Variants in GRIP1 observed in about 807,000 individuals in gnomAD.
GRIP1 encodes the protein glutamate receptor interacting protein 1.
In GRIP1, 45 loss-of-function variants were observed where a neutral mutation model predicts 129.9. The ratio of observed to expected loss-of-function variants is 0.35; its 90% CI spans 0.27 to 0.44. GRIP1 has a LOEUF of 0.44. GRIP1 is among the 20% of genes least tolerant of loss of function. The pLI, the probability that GRIP1 is intolerant of heterozygous loss-of-function variation, is 1.00. For synonymous variants in GRIP1, 530 were observed against 520.8 expected, an observed-to-expected ratio of 1.02 and a Z score of -0.24; for missense variants, 1,196 against 1,396.8, an observed-to-expected ratio of 0.86 and a Z score of 2.29.
At position 66,349,313 on chromosome 12, in the gene GRIP1, A is replaced by G. The variant is rs111694262; in HGVS notation, c.3160-67T>C. On this transcript the variant is annotated intron_variant, in intron 24 of 24. Coordinates refer to ENST00000359742, the MANE Select transcript of GRIP1 (RefSeq NM_001366722.1). ...CATAATTCCCAAAACCCGGAGTAAC[A>G]TTTCAGGTGCAACAAGTTGTTTGAA... 1.5e-5 allele frequency: 19 copies of G among 1,284,344 alleles called. No individual in the cohort carries two copies. The African/African-American group carries it at 1.9e-4, about 13-fold the overall frequency. 79.6% of individuals were successfully genotyped at this position (1,284,344 alleles called of 1,614,324 possible). A position where few individuals can be genotyped will look rare whatever the true frequency, so the allele number is the denominator to read the frequency against.
intron 2 of GRIP1, chr12:66,568,935 G>T: frequency 1.9e-6 from 1 of 523,938 alleles, no homozygotes; most frequent in South Asian, 1.4e-5. Flanking sequence ...GCATTGTGCT[G>T]ATCACAGGTT....
chr12:67,057,723 T>A (rs894698575), intron 1 of GRIP1, among the ~76,000 whole-genome samples: 1 of 152,224 alleles, frequency 6.6e-6, no homozygotes, highest in African/African-American at 2.4e-5. Flanking sequence ...CAAAGCCAGA[T>A]GAGGCGCTTT....
intron 1 of GRIP1, among the ~76,000 whole-genome samples, chr12:67,067,729 G>C (rs767972964): frequency 6.6e-5 from 10 of 152,118 alleles, no homozygotes; most frequent in Admixed American, 6.5e-5. Flanking sequence ...TCAGTAGTAA[G>C]TGTTATTCAA....
chr12:66,837,968 C>T lies in GRIP1; in HGVS notation c.58+231082G>A, dbSNP rs186211681. Among the ~76,000 whole-genome samples, 108 of 152,224 alleles carry T rather than the reference C, an allele frequency of 7.1e-4. 1 individual carries two copies. The highest frequency in any genetic ancestry group is 2.9e-3 in the Admixed American group (45 of 15,290). The stretch of plus-strand genomic sequence containing the variant: ...CAGCACTTTGGGAGGCCAAGGTGGG[C>T]GGATCACCTGAGGTCAGGAGTTCGC... On this transcript the variant is annotated intron_variant, in intron 1 of 1. Coordinates refer to the GRIP1 transcript ENST00000643019.
chr12:66,599,566 CTT>C (rs1400458092), intron 1 of GRIP1, among the ~76,000 whole-genome samples: 1 of 152,144 alleles, frequency 6.6e-6, no homozygotes, highest in Non-Finnish European at 1.5e-5. Context: ...AAAGTCAACT[CTT>C]GATTCAAACT....
chr12:66,987,534 T>TA (rs773456640), intron 1 of GRIP1, among the ~76,000 whole-genome samples: 18 of 152,164 alleles, frequency 1.2e-4, no homozygotes, highest in Non-Finnish European at 2.2e-4. Flanking sequence ...TGTCTCCCCT[T>TA]ACAAATGTAA....
chr12:66,801,523 G>A (rs1381646103), intron 1 of GRIP1, among the ~76,000 whole-genome samples: 1 of 152,076 alleles, frequency 6.6e-6, no homozygotes, highest in Non-Finnish European at 1.5e-5. Context: ...TATAAGTGAT[G>A]CTGTATTTAA....
At chr12:66,444,177 G>A (rs997094102) in intron 13 of GRIP1, among the ~76,000 whole-genome samples, 1 of 152,182 alleles carries the variant, frequency 6.6e-6, no homozygotes, top group Non-Finnish European at 1.5e-5. Flanking sequence ...AACAAAAGCA[G>A]GTTCAGCATA....
chr12:66,699,254 G>A (rs1229462912), intron 1 of GRIP1, among the ~76,000 whole-genome samples: 2 of 152,178 alleles, frequency 1.3e-5, no homozygotes, highest in Admixed American at 6.5e-5. Flanking sequence ...TTAGTACCTG[G>A]TGGGGCTTCT....
chr12:66,779,814 T>C (rs1028245545), intron 1 of GRIP1, among the ~76,000 whole-genome samples: 2 of 152,152 alleles, frequency 1.3e-5, no homozygotes, highest in African/African-American at 2.4e-5. Context: ...AATAATGTGG[T>C]AGAGAATGAT....
intron 1 of GRIP1, among the ~76,000 whole-genome samples, chr12:66,894,395 A>T (rs1314661739): frequency 6.6e-6 from 1 of 152,100 alleles, no homozygotes; most frequent in Non-Finnish European, 1.5e-5. Context: ...CTCTTCTTAG[A>T]TTCTGAGTCA....
In GRIP1 at chr12:66,564,061, C is replaced by G. The variant is rs140255023; in HGVS notation, c.137-22111G>C. The G allele has an allele frequency of 4.0e-3, 571 of 144,082 alleles. 3 individuals are homozygous for G. The highest frequency in any genetic ancestry group is 0.025 in the Middle Eastern group (39 of 1,550). The allele number at this position is 144,082 out of a possible 1,614,324, so 8.9% of individuals were successfully genotyped here. A position where few individuals can be genotyped will look rare whatever the true frequency, so the allele number is the denominator to read the frequency against. ...CTCCCATTGGATTTCCTTCTCCTTC[C>G]TTTCTTGGGTTTCTTCTCTGTCTTT... On this transcript the variant is annotated intron_variant, in intron 2 of 24. Coordinates refer to ENST00000359742, the MANE Select transcript of GRIP1 (RefSeq NM_001366722.1).
chr12:66,541,613 T>C (rs2061783156), intron 3 of GRIP1, among the ~76,000 whole-genome samples: 2 of 152,350 alleles, frequency 1.3e-5, no homozygotes, highest in South Asian at 4.1e-4. Flanking sequence ...TCCCTGGGAC[T>C]GCAGCCTAGG....
intron 15 of GRIP1, among the ~76,000 whole-genome samples, chr12:66,412,493 G>A (rs2137735671): frequency 6.6e-6 from 1 of 152,210 alleles, no homozygotes; most frequent in African/African-American, 2.4e-5. Flanking sequence ...AGCTAAATAT[G>A]GAAAGGAAAA....
At chr12:66,568,989 A>G in intron 2 of GRIP1, 1 of 496,136 alleles carries the variant, frequency 2.0e-6, no homozygotes, top group South Asian at 1.5e-5. Flanking sequence ...GATTAATAGT[A>G]CTTATAATTC....
rs1256003724 is a variant in GRIP1 at position 66,540,962 on chromosome 12, CT to C, written c.272+852del. Among the ~76,000 whole-genome samples the C allele has an allele frequency of 5.8e-4, 86 of 147,984 alleles. 1 individual carries two copies. The highest frequency in any genetic ancestry group is 4.3e-4 in the South Asian group (2 of 4,604). On this transcript the variant is annotated intron_variant, in intron 3 of 24. Transcript: ENST00000359742. ...TACAGGCATGTGCCATCACACCTGG[CT>C]TTTTTTTTTTAATTTTTTTTTTAAA...
At chr12:66,533,388 G>A (rs1193525503) in intron 4 of GRIP1, among the ~76,000 whole-genome samples, 1 of 151,856 alleles carries the variant, frequency 6.6e-6, no homozygotes, top group Non-Finnish European at 1.5e-5. Flanking sequence ...GCTCATGCCT[G>A]TAATCCCAGC....
At chr12:66,484,676 G>A (rs2059904184) in intron 7 of GRIP1, among the ~76,000 whole-genome samples, 1 of 152,124 alleles carries the variant, frequency 6.6e-6, no homozygotes, top group African/African-American at 2.4e-5. Context: ...AGGTTGGAAA[G>A]GAGAAGGGGC....
At chr12:66,695,176 T>C (rs1022271170) in intron 1 of GRIP1, among the ~76,000 whole-genome samples, 1 of 152,078 alleles carries the variant, frequency 6.6e-6, no homozygotes, top group African/African-American at 2.4e-5. Flanking sequence ...GGTGGAGAAG[T>C]GGGGCTGACC....
Sources: allele counts gnomAD v4.1 joint callset (sites outside exome capture counted in the v4.1 genomes callset), GRCh38; gene constraint gnomAD v4.1.1; transcripts MANE v1.5; gene names NCBI Gene and HGNC (gene_info 2026-07-23, HGNC 2026-07-21).